The following HSP90AA1 variants were observed in gnomAD, a reference collection of about 807,000 sequenced individuals.
The protein encoded by HSP90AA1 is heat shock protein HSP 90-alpha.
Under a neutral mutation model 73.3 loss-of-function variants are expected in HSP90AA1, and 18 were observed. The observed-to-expected ratio is 0.25, with a 90% CI of 0.17 to 0.36. The LOEUF is 0.36. Among genes scored for constraint, HSP90AA1 ranks in the 10% least tolerant of loss-of-function variants. The pLI is 1.00. For missense variants in HSP90AA1, 704 were observed against 874.2 expected, an observed-to-expected ratio of 0.81 and a Z score of 2.45; for synonymous variants, 477 against 296.9, an observed-to-expected ratio of 1.61 and a Z score of -6.24.
At chr14:102,133,153 G>A (rs894574604) in intron 1 of HSP90AA1, among the ~76,000 whole-genome samples, 3 of 141,666 alleles carry the variant, frequency 2.1e-5, no homozygotes, top group East Asian at 2.3e-4. Context: ...GGTAGTAGGC[G>A]CCTGTAGTCC....
At chr14:102,103,254 G>A (rs1418083310) in intron 1 of HSP90AA1, among the ~76,000 whole-genome samples, 3 of 144,030 alleles carry the variant, frequency 2.1e-5, no homozygotes, top group African/African-American at 5.2e-5. Context: ...ATAGGGTCTC[G>A]GTTCTAGTGC....
In HSP90AA1 at chr14:102,084,602, T is replaced by G. The variant is rs567792461; in HGVS notation, c.982-38A>C. 11 of 1,614,118 alleles carry G rather than the reference T, an allele frequency of 6.8e-6. No homozygotes were observed. In the East Asian group the frequency reaches 8.9e-5, roughly 13 times the overall value. On this transcript the variant is annotated intron_variant, in intron 5 of 10. Transcript: ENST00000216281. ...AGATACACTAAGTACCAATGAACAATGCATTATAGAAGATATTTGGGGTGG... is the reference window on the plus strand; with the variant it reads ...AGATACACTAAGTACCAATGAACAAGGCATTATAGAAGATATTTGGGGTGG...
rs35778744 is a variant in HSP90AA1, at chr14:102,105,206, C to CAAAAA, written c.156-3126_156-3122dup. Among the ~76,000 whole-genome samples the CAAAAA allele has an allele frequency of 7.7e-4, 16 of 20,790 alleles. 1 individual carries two copies. The highest frequency in any genetic ancestry group is 1.1e-3 in the Non-Finnish European group (13 of 11,558). The allele number at this position is 20,790 out of a possible 152,430, so 13.6% of individuals were successfully genotyped here. On this transcript the variant is annotated intron_variant, in intron 1 of 11. Transcript: ENST00000334701. ...TGGGCGACAGAGTGAGAGTCTGTCT[C>CAAAAA]AAAAAAAAAAAACAAAAAAAAAACC...
At chr14:102,119,212 C>G (rs1403836933) in intron 1 of HSP90AA1, among the ~76,000 whole-genome samples, 2 of 152,028 alleles carry the variant, frequency 1.3e-5, no homozygotes, top group Non-Finnish European at 2.9e-5. Context: ...GCCTAGTATC[C>G]AAACTATCCA....
intron 9 of HSP90AA1, chr14:102,082,705 C>A: frequency 1.9e-6 from 1 of 521,554 alleles, no homozygotes; most frequent in Non-Finnish European, 3.4e-6. Flanking sequence ...ACTGCAACCT[C>A]CGCCTCCTGG....
At chr14:102,106,455 A>G (rs749928250) in intron 1 of HSP90AA1, among the ~76,000 whole-genome samples, 3 of 152,112 alleles carry the variant, frequency 2.0e-5, no homozygotes, top group East Asian at 3.9e-4. Flanking sequence ...TGATTATGCA[A>G]TCATGAATAA....
At chr14:102,094,438 T>C (rs905280077) in intron 2 of HSP90AA1, among the ~76,000 whole-genome samples, 2 of 152,158 alleles carry the variant, frequency 1.3e-5, no homozygotes, top group East Asian at 3.9e-4. Flanking sequence ...ACCACCTAAA[T>C]ATGTGGACTT....
chr14:102,098,023 G>A (rs1033093704), intron 2 of HSP90AA1, among the ~76,000 whole-genome samples: 2 of 152,142 alleles, frequency 1.3e-5, no homozygotes, highest in Non-Finnish European at 2.9e-5. Flanking sequence ...TCCTTTAGGA[G>A]ACAGGTCAAC....
rs764672448 is a variant in HSP90AA1 at position 102,084,747 on chromosome 14, A to G, written c.915T>C (p.Thr305=). The G allele has an allele frequency of 3.1e-6, 5 of 1,614,166 alleles. No homozygotes were observed. In the South Asian group the frequency reaches 5.5e-5, roughly 18 times the overall value. The change falls in exon 5 of 11, where the codon ACT becomes ACC. Residue 305 remains threonine (T), a synonymous_variant. Coordinates refer to ENST00000216281, the MANE Select transcript of HSP90AA1 (RefSeq NM_005348.4). ...TATAGAATTCTCCGTACTCCTCATT[A>G]GTAATATCGTCGGGATTTCTGGTCC... is the stretch of plus-strand genomic sequence containing the variant. ...PIWTRNPDDI[T]NEEYGEFYKS...
Position 102,083,208 on chromosome 14 carries a change from C to T in HSP90AA1, c.1581G>A (p.Glu527=). 1 of 1,614,076 alleles carries T rather than the reference C, an allele frequency of 6.2e-7. No homozygotes were observed. The highest frequency in any genetic ancestry group is 8.5e-7 in the Non-Finnish European group (1 of 1,179,978). Residue 527 remains glutamate (E), a synonymous_variant, in exon 9 of 11, where the codon GAG becomes GAA. Transcript: ENST00000216281. ...EVIYMIEPID[E]YCVQQLKEFE... The stretch of plus-strand genomic sequence containing the variant: ...ATTCCTTCAGCTGTTGGACACAGTA[C>T]TCATCAATGGGCTCAATCATATAGA...
chr14:102,127,959 A>G (rs1230409710), intron 1 of HSP90AA1, among the ~76,000 whole-genome samples: 1 of 151,780 alleles, frequency 6.6e-6, no homozygotes, highest in Non-Finnish European at 1.5e-5. Context: ...TTTTGTTTTT[A>G]ATTGGAGAAA....
chr14:102,091,840 T>A (rs1158964693), upstream of HSP90AA1, among the ~76,000 whole-genome samples: 1 of 152,078 alleles, frequency 6.6e-6, no homozygotes, highest in African/African-American at 2.4e-5. Context: ...TTACCCAGGC[T>A]GGTCTTGAAC....
At chr14:102,087,363 G>C (rs1207068766), upstream of HSP90AA1, among the ~76,000 whole-genome samples, 1 of 151,484 alleles carries the variant, frequency 6.6e-6, no homozygotes, top group African/African-American at 2.4e-5. Flanking sequence ...GGCCGCCCGC[G>C]CCCTCCGCCC....
intron 1 of HSP90AA1, among the ~76,000 whole-genome samples, chr14:102,114,594 G>T (rs1481682678): frequency 1.3e-5 from 2 of 152,186 alleles, no homozygotes; most frequent in African/African-American, 4.8e-5. Context: ...TGAAAGCCCA[G>T]TGGAGAGAAA....
intron 1 of HSP90AA1, among the ~76,000 whole-genome samples, chr14:102,125,149 A>T (rs1187247479): frequency 6.6e-6 from 1 of 151,940 alleles, no homozygotes; most frequent in Non-Finnish European, 1.5e-5. Context: ...GTATCACCAT[A>T]TCTAGTTAAT....
chr14:102,132,404 G>C (rs186806239), intron 1 of HSP90AA1, among the ~76,000 whole-genome samples: 6 of 152,164 alleles, frequency 3.9e-5, no homozygotes, highest in Admixed American at 3.3e-4. Context: ...AAACTTAGCT[G>C]GGCATGGTGG....
chr14:102,106,648 A>T (rs971037327), intron 1 of HSP90AA1, among the ~76,000 whole-genome samples: 3 of 146,714 alleles, frequency 2.0e-5, no homozygotes, highest in Non-Finnish European at 4.4e-5. Flanking sequence ...GGTTCAAGCG[A>T]TTCTCCTCCC....
At chr14:102,103,486 G>C (rs939647447) in intron 1 of HSP90AA1, among the ~76,000 whole-genome samples, 13 of 151,974 alleles carry the variant, frequency 8.6e-5, no homozygotes, top group African/African-American at 3.1e-4. Context: ...CCAGGAGTTT[G>C]AGATGAGCCT....
intron 1 of HSP90AA1, among the ~76,000 whole-genome samples, chr14:102,131,123 CCT>C (rs1230291916): frequency 6.6e-6 from 1 of 152,174 alleles, no homozygotes; most frequent in African/African-American, 2.4e-5. Context: ...CTGGACATTC[CCT>C]GTGAATGCCT....
Sources: allele counts gnomAD v4.1 joint callset (sites outside exome capture counted in the v4.1 genomes callset), GRCh38; gene constraint gnomAD v4.1.1; transcripts MANE v1.5; gene names NCBI Gene and HGNC (gene_info 2026-07-23, HGNC 2026-07-21).